The following ROBO1 variants were observed in gnomAD, a reference collection of about 807,000 sequenced individuals.
ROBO1 encodes roundabout guidance receptor 1, also known as roundabout homolog 1.
Under a neutral mutation model 195.9 loss-of-function variants are expected in ROBO1, and 149 were observed. The observed-to-expected ratio is 0.76, with a 90% confidence interval of 0.67 to 0.87. The LOEUF (loss-of-function observed/expected upper bound fraction) is 0.87, where lower values mean the gene tolerates loss of function less well. ROBO1 is among the 40% of genes least tolerant of loss of function. ROBO1 has a pLI of 0.00. For synonymous variants in ROBO1, 816 were observed against 733.2 expected (o/e 1.11, Z -1.82); for missense variants, 1,933 against 2,068.3 (o/e 0.93, Z 1.27).
At position 79,106,274 on chromosome 3, in the gene ROBO1, T is replaced by G. The variant is rs553683447; in HGVS notation, c.172+19182A>C. Among the ~76,000 whole-genome samples the G allele has an allele frequency of 1.6e-3, 243 of 151,816 alleles. 2 individuals carry two copies. Among genetic ancestry groups the G allele is most frequent in the African/African-American group, 5.3e-3 (221 of 41,526 alleles). ...AGAGTTTTACCCAATGAGTTCCCTC[T>G]GGGAAGCAAAAAGCTACATGTTTTA... On this transcript the variant is annotated intron_variant, in intron 3 of 30. Coordinates refer to ENST00000464233, the MANE Select transcript of ROBO1 (RefSeq NM_002941.4).
rs576645469 is a variant in ROBO1, at chr3:79,695,354, G to T, written c.-51+72398C>A. 1.6e-4 allele frequency among the ~76,000 whole-genome samples: 24 copies of T among 151,620 alleles called. No individual in the cohort carries two copies. The South Asian group carries it at 1.7e-3, about 10-fold the overall frequency. On this transcript the variant is annotated intron_variant, in intron 1 of 30. Coordinates refer to ENST00000464233, the MANE Select transcript of ROBO1 (RefSeq NM_002941.4). ...TGCAACATTAAACAACCTCTTTGACGATGTGAGTATTCAATACACCAGTGT... is the reference window on the plus strand; with the variant it reads ...TGCAACATTAAACAACCTCTTTGACTATGTGAGTATTCAATACACCAGTGT...
chr3:79,643,466 C>A (rs534192199), intron 1 of ROBO1, among the ~76,000 whole-genome samples: 1 of 152,046 alleles, frequency 6.6e-6, no homozygotes, highest in South Asian at 2.1e-4. Context: ...TAATACAAAG[C>A]CCAAAGGAAA....
At chr3:79,054,100 A>G (rs1276749263) in intron 3 of ROBO1, among the ~76,000 whole-genome samples, 1 of 152,046 alleles carries the variant, frequency 6.6e-6, no homozygotes, top group African/African-American at 2.4e-5. Context: ...TAGTCAGAGG[A>G]GGCCCGTTTG....
chr3:78,774,608 A>T (rs2083459407), intron 4 of ROBO1, among the ~76,000 whole-genome samples: 1 of 52,908 alleles, frequency 1.9e-5, no homozygotes, highest in Non-Finnish European at 4.3e-5. Context: ...GTTTTTAATA[A>T]AAAAAAAAAA....
chr3:79,143,824 G>A (rs953880639), intron 2 of ROBO1, among the ~76,000 whole-genome samples: 2 of 151,782 alleles, frequency 1.3e-5, no homozygotes, highest in African/African-American at 4.8e-5. Flanking sequence ...GGTCATTCAC[G>A]CTGCCCTTTC....
intron 2 of ROBO1, among the ~76,000 whole-genome samples, chr3:79,208,979 C>A (rs918832925): frequency 6.6e-6 from 1 of 152,028 alleles, no homozygotes; most frequent in African/African-American, 2.4e-5. Context: ...TGGCACAATA[C>A]TTTATATATT....
At chr3:79,556,989 C>T in intron 2 of ROBO1, among the ~76,000 whole-genome samples, 1 of 147,942 alleles carries the variant, frequency 6.8e-6, no homozygotes, top group African/African-American at 2.5e-5. Flanking sequence ...ATGACATTTT[C>T]TCTCTTATAC....
intron 29 of ROBO1, 57 bp from the exon 30 acceptor site, chr3:78,600,366 AT>A: frequency 2.8e-6 from 3 of 1,084,662 alleles, no homozygotes; most frequent in Non-Finnish European, 4.2e-6. Context: ...TTCACTGTAT[AT>A]TGTATCACTC....
chr3:79,620,859 T>C (rs1944985747), intron 1 of ROBO1, among the ~76,000 whole-genome samples: 1 of 152,098 alleles, frequency 6.6e-6, no homozygotes, highest in Non-Finnish European at 1.5e-5. Flanking sequence ...TGTTACAACA[T>C]GGCCTCTTAA....
At chr3:79,024,299 T>C (rs1157568753) in intron 3 of ROBO1, among the ~76,000 whole-genome samples, 1 of 152,132 alleles carries the variant, frequency 6.6e-6, no homozygotes, top group African/African-American at 2.4e-5. Context: ...GGGCTAGAAT[T>C]TACTCCTTTA....
chr3:78,827,661 C>T (rs745949363), intron 4 of ROBO1, among the ~76,000 whole-genome samples: 3 of 152,048 alleles, frequency 2.0e-5, no homozygotes, highest in African/African-American at 7.2e-5. Flanking sequence ...TGTGGGGGTT[C>T]GAAGCTCTGA....
chr3:79,229,960 T>C (rs1052483888), intron 2 of ROBO1, among the ~76,000 whole-genome samples: 1 of 152,168 alleles, frequency 6.6e-6, no homozygotes, highest in Admixed American at 6.5e-5. Context: ...TCAGTATACC[T>C]AGTATTAAAA....
intron 2 of ROBO1, among the ~76,000 whole-genome samples, chr3:79,555,954 C>A (rs1398801312): frequency 1.3e-5 from 2 of 151,968 alleles, no homozygotes; most frequent in Non-Finnish European, 2.9e-5. Context: ...ATGTGATTTG[C>A]CATGTGTGTT....
At chr3:79,689,613 A>T (rs370831057) in intron 1 of ROBO1, among the ~76,000 whole-genome samples, 1 of 152,028 alleles carries the variant, frequency 6.6e-6, no homozygotes, top group African/African-American at 2.4e-5. Flanking sequence ...GAGGAAATCA[A>T]CTAATAAGGA....
intron 3 of ROBO1, among the ~76,000 whole-genome samples, chr3:78,940,849 A>G (rs1258663841): frequency 6.6e-6 from 1 of 152,224 alleles, no homozygotes; most frequent in Non-Finnish European, 1.5e-5. Flanking sequence ...TGCACATTAC[A>G]GTACTCAGTA....
rs963395926 is a variant in ROBO1, at chr3:79,300,599, G to A, written c.89-175060C>T. ...CCATCGACCACCCAAGGGCTGGGGC[G>A]TGCAGGCGCACTGCAGTGGGACTGG... On this transcript the variant is annotated intron_variant, in intron 2 of 30. Transcript: ENST00000464233. Among the ~76,000 whole-genome samples the A allele has an allele frequency of 2.6e-5, 4 of 152,324 alleles. No homozygotes were observed. The East Asian group carries it at 5.8e-4, about 22-fold the overall frequency.
chr3:79,607,095 G>GCACACACACACACACACACACACA (rs35692271), intron 1 of ROBO1, among the ~76,000 whole-genome samples: 1 of 139,962 alleles, frequency 7.1e-6, no homozygotes, highest in South Asian at 2.4e-4. Flanking sequence ...ATTAAAACCT[G>GCACACACACACACACACACACACA]CACACACACA....
At chr3:79,191,577 AC>A (rs1401905956) in intron 2 of ROBO1, among the ~76,000 whole-genome samples, 1 of 151,384 alleles carries the variant, frequency 6.6e-6, no homozygotes, top group Non-Finnish European at 1.5e-5. Flanking sequence ...TTATTAATAT[AC>A]CACACATATT....
intron 2 of ROBO1, among the ~76,000 whole-genome samples, chr3:79,425,753 A>T (rs938548145): frequency 1.3e-5 from 2 of 151,880 alleles, no homozygotes; most frequent in Non-Finnish European, 2.9e-5. Context: ...ATACTCAAAA[A>T]AATGTAAAAT....
Sources: gnomAD v4.1 joint callset for allele counts (sites outside exome capture counted in the v4.1 genomes callset) on GRCh38, gnomAD v4.1.1 for gene constraint, MANE v1.5 for transcripts, NCBI Gene and HGNC (gene_info 2026-07-23, HGNC 2026-07-21) for gene names.